STK11IP: variants seen among roughly 807,000 people sequenced by gnomAD.
STK11IP encodes serine/threonine kinase 11 interacting protein.
Under a neutral mutation model 131.7 loss-of-function variants are expected in STK11IP, and 103 were observed. The observed-to-expected ratio is 0.78, with a 90% CI of 0.67 to 0.92. The LOEUF is 0.92. Ranked by LOEUF, STK11IP falls within the 40% of genes least tolerant of loss-of-function variation. STK11IP has a pLI of 0.00. For synonymous variants in STK11IP, 557 were observed against 575.6 expected, an observed-to-expected ratio of 0.97 and a Z score of 0.46; for missense variants, 1,315 against 1,385.7, an observed-to-expected ratio of 0.95 and a Z score of 0.81.
chr2:219,602,010 G>T lies in STK11IP; in HGVS notation c.365G>T (p.Cys122Phe). The T allele has an allele frequency of 6.2e-7, 1 of 1,611,786 alleles. No homozygotes were observed. The highest frequency in any genetic ancestry group is 8.5e-7 in the Non-Finnish European group (1 of 1,179,108). Residue 122 changes from cysteine (C) to phenylalanine (F), a missense_variant, in exon 5 of 25, where the codon TGT becomes TTT. By Grantham distance (205) the Cys-to-Phe change is radical (BLOSUM62 -2). Coordinates refer to ENST00000456909, the MANE Select transcript of STK11IP (RefSeq NM_052902.4). Reference protein sequence around the residue: ...HLELRGVPLHCLHGLRGIYSQ... With the variant: ...HLELRGVPLHFLHGLRGIYSQ... Reference sequence around the variant, plus strand: ...CAGCTCCGAGGTGTTCCCCTCCACTGTCTGCATGGCCTCCGAGGCATCTAC... The same window carrying T: ...CAGCTCCGAGGTGTTCCCCTCCACTTTCTGCATGGCCTCCGAGGCATCTAC...
chr2:219,606,695 C>T lies in STK11IP; in HGVS notation c.988-17C>T, dbSNP rs377450554. ...CCAGGCTCCAACCTCTCTCTCCTTCCTGTCGTCACGTGCCAGACTCACACA... is the reference window on the plus strand; with the variant it reads ...CCAGGCTCCAACCTCTCTCTCCTTCTTGTCGTCACGTGCCAGACTCACACA... On this transcript the variant is annotated splice_polypyrimidine_tract_variant and intron_variant, in intron 11 of 24. Transcript: ENST00000456909. The T allele has an allele frequency of 2.4e-5, 38 of 1,601,022 alleles. No individual in the cohort carries two copies. The African/African-American group carries it at 3.1e-4, about 13-fold the overall frequency.
intron 23 of STK11IP, 79 bp from the exon 24 acceptor site, chr2:219,615,015 C>G: frequency 2.7e-6 from 4 of 1,505,762 alleles, no homozygotes; most frequent in Non-Finnish European, 2.7e-6. Flanking sequence ...ACCTCTTCTC[C>G]CCAGCAGCAC....
rs75858475 is a variant in STK11IP at position 219,600,601 on chromosome 2, A to C, written c.62-634A>C. Among the ~76,000 whole-genome samples the C allele has an allele frequency of 9.1e-3, 1,392 of 152,350 alleles. 23 individuals are homozygous for C. The highest frequency in any genetic ancestry group is 0.029 in the African/African-American group (1,210 of 41,576). On this transcript the variant is annotated intron_variant, in intron 2 of 24. Coordinates refer to ENST00000456909, the MANE Select transcript of STK11IP (RefSeq NM_052902.4). ...TTTTAGGTGCAGTGATGAATACCAG[A>C]GTGATCAAAAGATGCCCTCAAGGAT...
Position 219,606,261 on chromosome 2 carries a change from T to A in STK11IP, c.916T>A (p.Ser306Thr). 1 of 1,571,710 alleles carries A rather than the reference T, an allele frequency of 6.4e-7. No individual in the cohort carries two copies. Among genetic ancestry groups the A allele is most frequent in the Non-Finnish European group, 8.6e-7 (1 of 1,158,234 alleles). Residue 306 changes from serine to threonine, a missense_variant, in exon 10 of 25, where the codon TCA becomes ACA. By Grantham distance (58) the Ser-to-Thr change is moderately conservative (BLOSUM62 1). Coordinates refer to ENST00000456909, the MANE Select transcript of STK11IP (RefSeq NM_052902.4). ...CCGAGCAGCCACTGCCCAGTACTTG[T>A]CACCCCGGGCCAGGGATGCTGCTAC... ...EHRAATAQYL[S>T]PRARDAATGF...
In STK11IP at chr2:219,602,068, C is replaced by G. The variant is rs1235777892; in HGVS notation, c.423C>G (p.Ser141Arg). ...SQLETLICSR[S>R]LQALEELLSA... ...TGGAGACCCTGATTTGCAGCAGGAG[C>G]CTCCAGGCATTAGAGGTAAGGAGAG... The change falls in exon 5 of 25, where the codon AGC (serine) becomes AGG (arginine). Residue 141 changes from serine (S) to arginine (R), a missense_variant. By Grantham distance (110) the Ser-to-Arg change is moderately radical (BLOSUM62 -1). Transcript: ENST00000456909. 5.6e-6 allele frequency: 9 copies of G among 1,606,086 alleles called. No individual in the cohort carries two copies.
Position 219,607,050 on chromosome 2 carries a change from C to A in STK11IP, c.1135-3C>A, listed in dbSNP as rs1698191859. On this transcript the variant is annotated splice_region_variant and splice_polypyrimidine_tract_variant and intron_variant, in intron 12 of 24. Coordinates refer to ENST00000456909, the MANE Select transcript of STK11IP (RefSeq NM_052902.4). ...CAGAACTTCTTCCCTCCACCAACCT[C>A]AGAGCCGAGTCCGTGTGAGGCGGGC... 6.2e-7 allele frequency: 1 copy of A among 1,613,882 alleles called. No individual in the cohort carries two copies. Among genetic ancestry groups the A allele is most frequent in the Non-Finnish European group, 8.5e-7 (1 of 1,179,888 alleles).
Position 219,606,524 on chromosome 2 carries a change from G to A in STK11IP, c.987+7G>A. ...GTCACTGACAGATTTTCAGGTCGGT[G>A]TGGTTGGGGGGCGAGGACTGTTGGG... On this transcript the variant is annotated splice_region_variant and intron_variant, in intron 11 of 24. Coordinates refer to ENST00000456909, the MANE Select transcript of STK11IP (RefSeq NM_052902.4). 1.2e-6 allele frequency: 2 copies of A among 1,612,896 alleles called. No individual in the cohort carries two copies. The highest frequency in any genetic ancestry group is 1.7e-6 in the Non-Finnish European group (2 of 1,179,420).
In STK11IP at chr2:219,608,171, C is replaced by T. The variant is rs771356049; in HGVS notation, c.1344C>T (p.Pro448=). 4 of 1,613,548 alleles carry T rather than the reference C, an allele frequency of 2.5e-6. No homozygotes were observed. The African/African-American group carries it at 4.0e-5, about 16-fold the overall frequency. Residue 448 remains proline, a synonymous_variant, in exon 14 of 25, where the codon CCC becomes CCT. Transcript: ENST00000456909. The part of the protein sequence containing the change: ...EPSGNPLPAT[P]TTSAPSAPPA... Reference sequence around the variant, plus strand: ...CCGGAAACCCTCTGCCGGCCACCCCCACTACTTCTGCACCCAGTGCACCTC... The same window carrying T: ...CCGGAAACCCTCTGCCGGCCACCCCTACTACTTCTGCACCCAGTGCACCTC...
Position 219,601,732 on chromosome 2 carries a change from G to C in STK11IP, c.342+17G>C, listed in dbSNP as rs976511218. 9.4e-6 allele frequency: 15 copies of C among 1,587,470 alleles called. No individual in the cohort carries two copies. Among genetic ancestry groups the C allele is most frequent in the African/African-American group, 1.3e-5 (1 of 74,498 alleles). ...CACCTGGAGGTATGGGGACACGGGG[G>C]GATGTTGGTGCACAGCACCCAACTT... is the stretch of plus-strand genomic sequence containing the variant. On this transcript the variant is annotated intron_variant, in intron 4 of 24. Coordinates refer to ENST00000456909, the MANE Select transcript of STK11IP (RefSeq NM_052902.4).
At position 219,608,703 on chromosome 2, in the gene STK11IP, G is replaced by A. The variant is rs766660134; in HGVS notation, c.1724G>A (p.Arg575His). The stretch of plus-strand genomic sequence containing the variant: ...TTTGAGGTGGAACTCCAAGCAGCTC[G>A]CACCTTGGAGCGACTGGAGCTCCAG... ...HLFEVELQAARTLERLELQSL... is the reference protein window; with the variant it reads ...HLFEVELQAAHTLERLELQSL... The change falls in exon 15 of 25, where the codon CGC becomes CAC. Residue 575 changes from arginine (R) to histidine (H), a missense_variant. Physicochemically the swap from Arg to His is conservative, Grantham distance 29. Coordinates refer to ENST00000456909, the MANE Select transcript of STK11IP (RefSeq NM_052902.4). The A allele has an allele frequency of 1.4e-5, 23 of 1,613,296 alleles. No individual in the cohort carries two copies. The East Asian group carries it at 2.5e-4, about 17-fold the overall frequency.
intron 7 of STK11IP, 58 bp downstream of exon 7, chr2:219,602,834 A>T (rs1698035763): frequency 3.3e-6 from 5 of 1,520,126 alleles, no homozygotes; most frequent in Middle Eastern, 1.7e-4. Context: ...CTCTGCTCTC[A>T]CTCTCTCTCC....
At position 219,608,353 on chromosome 2, in the gene STK11IP, AG is replaced by A; in HGVS notation, c.1531del (p.Glu511ArgfsTer80). 6.3e-7 allele frequency: 1 copy of A among 1,586,074 alleles called. No individual in the cohort carries two copies. The highest frequency in any genetic ancestry group is 8.6e-7 in the Non-Finnish European group (1 of 1,166,194). On this transcript the variant is annotated frameshift_variant, in exon 14 of 25. Coordinates refer to ENST00000456909, the MANE Select transcript of STK11IP (RefSeq NM_052902.4). LOFTEE classifies it high-confidence loss of function. ...EEKEGKEEKEEGEMVEQGEEE... is the reference protein window; with the variant it reads ...EEKEGKEEKEXGEMVEQGEEE... ...AAGGAGGGGAAGGAGGAGAAGGAGG[AG>A]GGGGAGATGGTGGAACAGGGAGAAG...
rs1698177163 is a variant in STK11IP, at chr2:219,606,708, C to T, written c.988-4C>T. The T allele has an allele frequency of 6.2e-7, 1 of 1,605,938 alleles. No individual in the cohort carries two copies. The highest frequency in any genetic ancestry group is 1.7e-5 in the Admixed American group (1 of 59,258). ...TCTCTCTCCTTCCTGTCGTCACGTG[C>T]CAGACTCACACATCCTTGGGGCTCA... On this transcript the variant is annotated splice_region_variant and splice_polypyrimidine_tract_variant and intron_variant, in intron 11 of 24. Transcript: ENST00000456909.
At chr2:219,607,941 C>G in intron 13 of STK11IP, 106 bp from the exon 14 acceptor site, 12 of 1,464,326 alleles carry the variant, frequency 8.2e-6, no homozygotes, top group Non-Finnish European at 1.1e-5. Context: ...GCCCGTGTCC[C>G]CATACACAGC....
At chr2:219,609,742 CT>C in intron 17 of STK11IP, 1 of 479,064 alleles carries the variant, frequency 2.1e-6, no homozygotes. Context: ...AAACTATATC[CT>C]GTTTTTTTTT....
intron 23 of STK11IP, 54 bp downstream of exon 23, chr2:219,614,600 C>T (rs773868917): frequency 6.4e-7 from 1 of 1,570,078 alleles, no homozygotes; most frequent in South Asian, 1.1e-5. Context: ...TACCTTGTCA[C>T]AGGCACTGGC....
Sources: gnomAD v4.1 joint callset for allele counts (sites outside exome capture counted in the v4.1 genomes callset) on GRCh38, gnomAD v4.1.1 for gene constraint, MANE v1.5 for transcripts, NCBI Gene and HGNC (gene_info 2026-07-23, HGNC 2026-07-21) for gene names.